Variants in PDCD2L observed in about 807,000 individuals in gnomAD.
PDCD2L encodes uS5 assembly chaperone PDCD2L.
Under a neutral mutation model 40.4 loss-of-function variants are expected in PDCD2L, and 44 were observed. The observed-to-expected ratio is 1.09, with a 90% CI of 0.86 to 1.40. The LOEUF (loss-of-function observed/expected upper bound fraction) is 1.40, where lower values mean the gene tolerates loss of function less well. PDCD2L is among the 40% of genes most tolerant of loss of function. The pLI is 0.00. For missense variants in PDCD2L, 470 were observed against 453.7 expected (o/e 1.04, Z -0.33); for synonymous variants, 194 against 174.6 (o/e 1.11, Z -0.88).
At chr19:34,408,993 G>C (rs993150274) in intron 3 of PDCD2L, 168 bp from the exon 4 acceptor site, 2 of 610,088 alleles carry the variant, frequency 3.3e-6, no homozygotes, top group East Asian at 5.5e-5. Flanking sequence ...CACCTCCAAC[G>C]TGCTTTTGAG....
At chr19:34,416,494 A>T (rs1157180617) in intron 5 of PDCD2L, among the ~76,000 whole-genome samples, 3 of 152,218 alleles carry the variant, frequency 2.0e-5, no homozygotes, top group Non-Finnish European at 4.4e-5. Context: ...CAGAGGAAAA[A>T]GCAAAGCCCA....
rs146687695 is a variant in PDCD2L at position 34,423,469 on chromosome 19, C to T, written c.946+1802C>T. ...AAAGTGCTTGGATTATAGGCATGAGCCACCGTGCCTGGACCCAGTATCTTT... is the reference window on the plus strand; with the variant it reads ...AAAGTGCTTGGATTATAGGCATGAGTCACCGTGCCTGGACCCAGTATCTTT... On this transcript the variant is annotated intron_variant, in intron 6 of 6. Transcript: ENST00000246535. Among the ~76,000 whole-genome samples the T allele has an allele frequency of 3.8e-3, 579 of 151,540 alleles. 3 individuals are homozygous for T. The highest frequency in any genetic ancestry group is 0.013 in the African/African-American group (549 of 41,336).
intron 3 of PDCD2L, among the ~76,000 whole-genome samples, chr19:34,408,820 A>T (rs2075088595): frequency 6.6e-6 from 1 of 152,212 alleles, no homozygotes; most frequent in Non-Finnish European, 1.5e-5. Flanking sequence ...CCCTAATCAT[A>T]TCTGAAACCC....
chr19:34,409,445 C>T lies in PDCD2L; in HGVS notation c.621C>T (p.Ala207=). 1 of 1,614,110 alleles carries T rather than the reference C, an allele frequency of 6.2e-7. No homozygotes were observed. The highest frequency in any genetic ancestry group is 8.5e-7 in the Non-Finnish European group (1 of 1,180,016). ...GGGACTTTGTCAACCTGGATCATGC[C>T]CACAGCCTTCTGAGGGACTATCAGC... The part of the protein sequence containing the change: ...DYRDFVNLDH[A]HSLLRDYQQR... The change falls in exon 4 of 7, where the codon GCC becomes GCT. Residue 207 remains alanine, a synonymous_variant. Coordinates refer to ENST00000246535, the MANE Select transcript of PDCD2L (RefSeq NM_032346.2).
At chr19:34,411,988 TAA>T (rs1443815302) in intron 4 of PDCD2L, among the ~76,000 whole-genome samples, 1 of 112,944 alleles carries the variant, frequency 8.9e-6, no homozygotes. Flanking sequence ...ATATATAAAA[TAA>T]ATAATAAAAT....
chr19:34,413,310 G>C (rs548431244), intron 4 of PDCD2L, among the ~76,000 whole-genome samples: 77 of 150,638 alleles, frequency 5.1e-4, no homozygotes, highest in Non-Finnish European at 9.3e-4. Flanking sequence ...AAAGTGCTGG[G>C]ATTAAAGGCG....
rs746930744 is a variant in PDCD2L at position 34,409,376 on chromosome 19, C to T, written c.552C>T (p.Leu184=). The T allele has an allele frequency of 6.2e-7, 1 of 1,614,214 alleles. No individual in the cohort carries two copies. The highest frequency in any genetic ancestry group is 8.5e-7 in the Non-Finnish European group (1 of 1,180,024). Residue 184 remains leucine, a synonymous_variant, in exon 4 of 7, where the codon CTC becomes CTT. Coordinates refer to ENST00000246535, the MANE Select transcript of PDCD2L (RefSeq NM_032346.2). ...AAHPVPPGLP[L]FLPYYICVAD... ...ATCCTGTGCCTCCTGGGCTGCCGCT[C>T]TTCCTGCCCTACTACATCTGTGTTG...
At chr19:34,407,357 T>C (rs1440467714) in intron 3 of PDCD2L, among the ~76,000 whole-genome samples, 1 of 152,042 alleles carries the variant, frequency 6.6e-6, no homozygotes, top group Non-Finnish European at 1.5e-5. Context: ...GCCAGGATGG[T>C]GTCGATCTCT....
chr19:34,411,162 CTTT>C (rs766712244), intron 4 of PDCD2L, among the ~76,000 whole-genome samples: 2 of 61,766 alleles, frequency 3.2e-5, no homozygotes, highest in Non-Finnish European at 7.0e-5. Flanking sequence ...GAGTATTCTT[CTTT>C]TTTTTTTTTT....
intron 3 of PDCD2L, among the ~76,000 whole-genome samples, chr19:34,406,711 A>G (rs1353468892): frequency 1.3e-5 from 2 of 149,826 alleles, no homozygotes; most frequent in Non-Finnish European, 3.0e-5. Context: ...ATTATTAACT[A>G]TATTCATGCT....
In PDCD2L at chr19:34,422,088, CAAAAAA is replaced by C. The variant is rs552695609; in HGVS notation, c.946+429_946+434del. ...GCGACAGAGTGAGGAGACTCTGTCT[CAAAAAA>C]AAAAAAAGAAATTTATAATCCAGCC... is the stretch of plus-strand genomic sequence containing the variant. On this transcript the variant is annotated intron_variant, in intron 6 of 6. Transcript: ENST00000246535. 4.2e-5 allele frequency: 3 copies of C among 71,476 alleles called. No homozygotes were observed. The East Asian group carries it at 1.4e-3, about 33-fold the overall frequency. 4.4% of individuals were successfully genotyped at this position (71,476 alleles called of 1,614,324 possible). A position where few individuals can be genotyped will look rare whatever the true frequency, so the allele number is the denominator to read the frequency against.
rs2075114237 is a variant in PDCD2L, at chr19:34,413,639, A to T, written c.687-98A>T. The T allele has an allele frequency of 4.0e-6, 3 of 754,476 alleles. No individual in the cohort carries two copies. The African/African-American group carries it at 5.4e-5, about 14-fold the overall frequency. 46.7% of individuals were successfully genotyped at this position (754,476 alleles called of 1,614,324 possible). ...GGCGTGAGCCACTGCGCCTGCCCTG[A>T]TAAAATTTTTTAAAAGAAAATTATC... On this transcript the variant is annotated intron_variant, in intron 4 of 6. Coordinates refer to ENST00000246535, the MANE Select transcript of PDCD2L (RefSeq NM_032346.2).
intron 3 of PDCD2L, among the ~76,000 whole-genome samples, chr19:34,406,252 G>A (rs530901444): frequency 2.0e-5 from 3 of 152,318 alleles, no homozygotes; most frequent in Non-Finnish European, 4.4e-5. Flanking sequence ...GAGGTATAAA[G>A]TGATGGCTAT....
At chr19:34,407,463 T>G (rs562730402) in intron 3 of PDCD2L, among the ~76,000 whole-genome samples, 3 of 152,230 alleles carry the variant, frequency 2.0e-5, no homozygotes, top group African/African-American at 7.2e-5. Context: ...TAACCACCAC[T>G]CTACTCTCTA....
At chr19:34,409,139 C>G in intron 3 of PDCD2L, 22 bp from the exon 4 acceptor site, 1 of 1,599,474 alleles carries the variant, frequency 6.3e-7, no homozygotes, top group Non-Finnish European at 8.6e-7. Context: ...GCTCGGACCT[C>G]ATTCACTGAG....
At chr19:34,417,823 T>C (rs925345946) in intron 5 of PDCD2L, among the ~76,000 whole-genome samples, 12 of 152,180 alleles carry the variant, frequency 7.9e-5, no homozygotes, top group African/African-American at 2.9e-4. Flanking sequence ...GATCAGAAAC[T>C]ATTCAAAGAT....
Position 34,409,341 on chromosome 19 carries a change from G to C in PDCD2L, c.517G>C (p.Gly173Arg), listed in dbSNP as rs1433808347. ...CCTCCGCCTGCAGGATGCTGTCCTGGGTGCTGCCCATCCTGTGCCTCCTGG... is the reference window on the plus strand; with the variant it reads ...CCTCCGCCTGCAGGATGCTGTCCTGCGTGCTGCCCATCCTGTGCCTCCTGG... ...QDLRLQDAVL[G>R]AAHPVPPGLP... The change falls in exon 4 of 7, where the codon GGT becomes CGT. Residue 173 changes from glycine (G) to arginine (R), a missense_variant. Transcript: ENST00000246535. 1.2e-6 allele frequency: 2 copies of C among 1,613,642 alleles called. No individual in the cohort carries two copies. Among genetic ancestry groups the C allele is most frequent in the Admixed American group, 3.3e-5 (2 of 59,958 alleles).
chr19:34,416,945 C>A (rs1320093904), intron 5 of PDCD2L, among the ~76,000 whole-genome samples: 1 of 152,006 alleles, frequency 6.6e-6, no homozygotes, highest in Non-Finnish European at 1.5e-5. Context: ...GAAACCCTGT[C>A]TCTACTAAAA....
At chr19:34,419,089 T>C (rs1241650563) in intron 5 of PDCD2L, among the ~76,000 whole-genome samples, 2 of 152,228 alleles carry the variant, frequency 1.3e-5, no homozygotes, top group Non-Finnish European at 2.9e-5. Context: ...TTAACAGTTA[T>C]GGTTTTTTTA....
Sources: allele counts gnomAD v4.1 joint callset (sites outside exome capture counted in the v4.1 genomes callset), GRCh38; gene constraint gnomAD v4.1.1; transcripts MANE v1.5; gene names NCBI Gene and HGNC (gene_info 2026-07-23, HGNC 2026-07-21).